Variants in DACH1 observed in about 807,000 individuals in gnomAD.
DACH1 encodes dachshund family transcription factor 1.
DACH1 carries 12 observed loss-of-function variants against 54.2 expected under a neutral mutation model. The observed-to-expected ratio is 0.22, with a 90% CI of 0.14 to 0.36. The LOEUF is 0.36. Ranked by LOEUF, DACH1 falls within the 10% of genes least tolerant of loss-of-function variation. The pLI is 1.00. For synonymous variants in DACH1, 386 were observed against 366.2 expected (o/e 1.05, Z -0.62); for missense variants, 805 against 929.8 (o/e 0.87, Z 1.75).
chr13:71,817,292 T>C (rs188792960), intron 1 of DACH1, among the ~76,000 whole-genome samples: 63 of 152,302 alleles, frequency 4.1e-4, no homozygotes, highest in African/African-American at 1.5e-3. Flanking sequence ...GGATGGCCCA[T>C]ATGCCAGCTC....
chr13:71,854,564 T>C (rs1873878481), intron 1 of DACH1, among the ~76,000 whole-genome samples: 1 of 152,098 alleles, frequency 6.6e-6, no homozygotes, highest in Admixed American at 6.6e-5. Flanking sequence ...CAATCATTAT[T>C]GGAAAGAGAG....
Position 71,866,665 on chromosome 13 carries a change from C to G in DACH1, c.105G>C (p.Ser35=), listed in dbSNP as rs367566575. Residue 35 remains serine, a synonymous_variant, in exon 1 of 11, where the codon TCG becomes TCC. Transcript: ENST00000613252. ...SSSGTTTSTS[S]ATSSPAPSIG... is the part of the protein sequence containing the mutation. ...TGGAAGGAGCCGGAGACGAAGTCGC[C>G]GAAGAGGTGGAGGTGGTGGTGCCAG... The G allele has an allele frequency of 4.9e-5, 70 of 1,437,990 alleles. No individual in the cohort carries two copies. The African/African-American group carries it at 8.7e-4, about 18-fold the overall frequency. 89.1% of individuals were successfully genotyped at this position (1,437,990 alleles called of 1,614,324 possible). A position where few individuals can be genotyped will look rare whatever the true frequency, so the allele number is the denominator to read the frequency against.
chr13:71,515,569 G>T (rs1304410984), intron 6 of DACH1, among the ~76,000 whole-genome samples: 1 of 150,462 alleles, frequency 6.6e-6, no homozygotes, highest in Non-Finnish European at 1.5e-5. Context: ...TCCTCAGAAG[G>T]TTACACGGTG....
chr13:71,662,394 T>C (rs1460540731), intron 2 of DACH1, among the ~76,000 whole-genome samples: 1 of 152,016 alleles, frequency 6.6e-6, no homozygotes, highest in African/African-American at 2.4e-5. Flanking sequence ...ACTGTCACCT[T>C]GTGATTCAGG....
At chr13:71,451,434 A>G (rs1875047937) in intron 10 of DACH1, among the ~76,000 whole-genome samples, 1 of 152,164 alleles carries the variant, frequency 6.6e-6, no homozygotes, top group Non-Finnish European at 1.5e-5. Flanking sequence ...GGGCTCAATA[A>G]AAATATATGG....
At chr13:71,514,503 G>A (rs1054617175) in intron 6 of DACH1, among the ~76,000 whole-genome samples, 14 of 151,624 alleles carry the variant, frequency 9.2e-5, no homozygotes, top group African/African-American at 2.7e-4. Flanking sequence ...AAACTTTGTA[G>A]GGTAATTTAT....
At chr13:71,835,655 A>G (rs1328511597) in intron 1 of DACH1, among the ~76,000 whole-genome samples, 2 of 152,032 alleles carry the variant, frequency 1.3e-5, no homozygotes, top group African/African-American at 4.8e-5. Context: ...CCTAGTTTAT[A>G]CCTATTGTCC....
At chr13:71,448,317 G>A (rs978973822) in intron 10 of DACH1, among the ~76,000 whole-genome samples, 5 of 152,146 alleles carry the variant, frequency 3.3e-5, no homozygotes, top group Admixed American at 1.3e-4. Flanking sequence ...TATAGTAGCC[G>A]TGTGTGTCTC....
At chr13:71,587,090 C>T (rs1309739633) in intron 3 of DACH1, among the ~76,000 whole-genome samples, 3 of 152,066 alleles carry the variant, frequency 2.0e-5, no homozygotes, top group Non-Finnish European at 4.4e-5. Flanking sequence ...TCCATAGTTA[C>T]AAAATGCAAA....
chr13:71,624,198 T>C (rs577902254), intron 3 of DACH1, among the ~76,000 whole-genome samples: 27 of 152,050 alleles, frequency 1.8e-4, no homozygotes, highest in East Asian at 3.9e-4. Context: ...TATGAAGATA[T>C]CTTTTGCATA....
chr13:71,748,962 T>TTCTC (rs777988022), intron 1 of DACH1, among the ~76,000 whole-genome samples: 2 of 66,996 alleles, frequency 3.0e-5, no homozygotes, highest in African/African-American at 1.2e-4. Flanking sequence ...CTCTCTTTCT[T>TTCTC]TCTCTCTCTC....
At chr13:71,652,291 T>C (rs1011975515) in intron 2 of DACH1, among the ~76,000 whole-genome samples, 2 of 152,262 alleles carry the variant, frequency 1.3e-5, no homozygotes, top group Non-Finnish European at 2.9e-5. Context: ...CCTCTCCCCA[T>C]GGCAGATTGT....
At chr13:71,566,335 G>A (rs143453614) in intron 4 of DACH1, among the ~76,000 whole-genome samples, 1 of 152,200 alleles carries the variant, frequency 6.6e-6, no homozygotes, top group Non-Finnish European at 1.5e-5. Flanking sequence ...CTTCTATAAT[G>A]AGCATAATGT....
intron 3 of DACH1, among the ~76,000 whole-genome samples, chr13:71,583,106 T>C (rs1258881525): frequency 6.6e-6 from 1 of 152,160 alleles, no homozygotes; most frequent in Non-Finnish European, 1.5e-5. Context: ...AATTTAAACA[T>C]TTTTATTCTT....
At chr13:71,729,853 G>C (rs867873999) in intron 1 of DACH1, among the ~76,000 whole-genome samples, 6 of 151,880 alleles carry the variant, frequency 4.0e-5, no homozygotes, top group African/African-American at 4.8e-5. Flanking sequence ...TGGGCACCTG[G>C]GTAACAGAAA....
chr13:71,547,078 A>G (rs1020367899), intron 6 of DACH1, among the ~76,000 whole-genome samples: 3 of 152,080 alleles, frequency 2.0e-5, no homozygotes, highest in African/African-American at 4.8e-5. Context: ...CACAGTCCTC[A>G]TTAGACTAAT....
intron 7 of DACH1, among the ~76,000 whole-genome samples, chr13:71,480,813 C>T (rs1255208702): frequency 1.3e-5 from 2 of 152,134 alleles, no homozygotes; most frequent in Non-Finnish European, 2.9e-5. Context: ...TATAGCATTG[C>T]TGTAAGCCAA....
chr13:71,480,211 G>A (rs921161929), intron 7 of DACH1, among the ~76,000 whole-genome samples: 3 of 151,966 alleles, frequency 2.0e-5, no homozygotes, highest in Non-Finnish European at 2.9e-5. Context: ...CTTGAGATAC[G>A]TAATATATTT....
chr13:71,484,321 T>A (rs1428420946), intron 7 of DACH1, among the ~76,000 whole-genome samples: 1 of 152,074 alleles, frequency 6.6e-6, no homozygotes, highest in Non-Finnish European at 1.5e-5. Flanking sequence ...GCATGCCCCA[T>A]CATGCCCAGC....
Sources: gnomAD v4.1 joint callset for allele counts (sites outside exome capture counted in the v4.1 genomes callset) on GRCh38, gnomAD v4.1.1 for gene constraint, MANE v1.5 for transcripts, NCBI Gene and HGNC (gene_info 2026-07-23, HGNC 2026-07-21) for gene names.